TRIM9: variants seen among roughly 807,000 people sequenced by gnomAD.
TRIM9 encodes the protein E3 ubiquitin-protein ligase TRIM9.
A neutral mutation model predicts 78.3 loss-of-function variants in TRIM9; 26 were observed. That is an observed-to-expected ratio of 0.33 (90% confidence interval 0.24 to 0.46). The LOEUF is 0.46. TRIM9 is among the 20% of genes least tolerant of loss of function. TRIM9 has a pLI of 1.00. For missense variants in TRIM9, 787 were observed against 1,036.4 expected, an observed-to-expected ratio of 0.76 and a Z score of 3.30; for synonymous variants, 398 against 416.5, an observed-to-expected ratio of 0.96 and a Z score of 0.54.
chr14:51,020,450 G>C (rs2057650246), intron 3 of TRIM9, among the ~76,000 whole-genome samples: 1 of 152,170 alleles, frequency 6.6e-6, no homozygotes, highest in African/African-American at 2.4e-5. Context: ...ACCTGTCTCT[G>C]GTTTCTGCAG....
intron 1 of TRIM9, among the ~76,000 whole-genome samples, chr14:51,087,465 C>T (rs2063869492): frequency 6.6e-6 from 1 of 152,186 alleles, no homozygotes; most frequent in South Asian, 2.1e-4. Context: ...GGTAATCTCA[C>T]TTGGAGTTAG....
chr14:51,080,997 G>A (rs538073717), intron 1 of TRIM9, among the ~76,000 whole-genome samples: 4 of 152,192 alleles, frequency 2.6e-5, no homozygotes, highest in African/African-American at 4.8e-5. Flanking sequence ...GCAGTAGGTC[G>A]TGATAGGCCA....
At chr14:51,058,794 C>G (rs1303999650) in intron 1 of TRIM9, among the ~76,000 whole-genome samples, 1 of 152,210 alleles carries the variant, frequency 6.6e-6, no homozygotes, top group Non-Finnish European at 1.5e-5. Flanking sequence ...TTCAAAATGA[C>G]AAATGCTCTG....
rs1566590717 is a variant in TRIM9 at position 51,025,417 on chromosome 14, C to CACACAGGTGTTTT, written c.823-58_823-57insAAAACACCTGTGT. ...GTAATCACAGGATACACCAACAAGGCCAGCGAGACTCAAAACTGAAGAGTC... is the reference window on the plus strand; with the variant it reads ...GTAATCACAGGATACACCAACAAGGCACACAGGTGTTTTCAGCGAGACTCAAAACTGAAGAGTC... On this transcript the variant is annotated intron_variant, in intron 1 of 12. Coordinates refer to ENST00000684578, the MANE Select transcript of TRIM9 (RefSeq NM_001387360.1). The CACACAGGTGTTTT allele has an allele frequency of 2.9e-5, 44 of 1,510,528 alleles. No individual in the cohort carries two copies. In the African/African-American group the frequency reaches 5.6e-4, roughly 19 times the overall value. 93.6% of individuals were successfully genotyped at this position (1,510,528 alleles called of 1,614,324 possible). A position where few individuals can be genotyped will look rare whatever the true frequency, so the allele number is the denominator to read the frequency against.
At position 50,997,076 on chromosome 14, in the gene TRIM9, G is replaced by A. The variant is rs991757752; in HGVS notation, c.1603+974C>T. 19 of 985,240 alleles carry A rather than the reference G, an allele frequency of 1.9e-5. No homozygotes were observed. In the African/African-American group the frequency reaches 3.0e-4, roughly 15 times the overall value. 61.0% of individuals were successfully genotyped at this position (985,240 alleles called of 1,614,324 possible). The stretch of plus-strand genomic sequence containing the variant: ...AATCAACATAATTAGTTCTGCAGAG[G>A]GAAGTTATGGAGAATCCCGGTGAGG... On this transcript the variant is annotated intron_variant, in intron 7 of 12. Transcript: ENST00000684578.
intron 3 of TRIM9, among the ~76,000 whole-genome samples, chr14:51,015,353 G>A (rs1402229600): frequency 6.6e-6 from 1 of 151,312 alleles, no homozygotes; most frequent in Non-Finnish European, 1.5e-5. Context: ...CCAGAAGCAA[G>A]ACCTGAGGTT....
intron 1 of TRIM9, among the ~76,000 whole-genome samples, chr14:51,029,763 C>G (rs1362876695): frequency 7.1e-6 from 1 of 140,366 alleles, no homozygotes; most frequent in African/African-American, 2.4e-5. Flanking sequence ...GCAGAGGTGC[C>G]GAGAGGATAC....
intron 3 of TRIM9, 95 bp from the exon 4 acceptor site, chr14:51,010,589 C>G: frequency 1.1e-6 from 1 of 874,622 alleles, no homozygotes; most frequent in Non-Finnish European, 1.8e-6. Context: ...AAACCAGAAT[C>G]CATTCCATTC....
rs781015121 is a variant in TRIM9, at chr14:51,022,909, G to A, written c.967C>T (p.Leu323Phe). ...TTTCTTCTGTTGAGGGCATCGATGA[G>A]GGCATCACATTGGGCCACCAGACAG... is the stretch of plus-strand genomic sequence containing the variant. ...EACLVAQCDA[L>F]IDALNRRKAQ... The change falls in exon 3 of 13, where the codon CTC (leucine) becomes TTC (phenylalanine). Residue 323 changes from leucine to phenylalanine, a missense_variant. Physicochemically the swap from Leu to Phe is conservative, Grantham distance 22. Around this residue, in one of 3 missense-constraint regions of TRIM9, gnomAD observed 352 missense variants for 472.3 expected, o/e 0.75. Coordinates refer to ENST00000684578, the MANE Select transcript of TRIM9 (RefSeq NM_001387360.1). 4.3e-6 allele frequency: 7 copies of A among 1,614,002 alleles called. No homozygotes were observed. The East Asian group carries it at 1.3e-4, about 31-fold the overall frequency.
intron 1 of TRIM9, among the ~76,000 whole-genome samples, chr14:51,053,595 A>ATTTTTTTTTT (rs59227932): frequency 9.7e-5 from 8 of 82,204 alleles, no homozygotes; most frequent in African/African-American, 2.7e-4. Context: ...TTTTTTTTTA[A>ATTTTTTTTTT]TTTTTTTTTT....
At chr14:51,029,612 T>C (rs914771147) in intron 1 of TRIM9, among the ~76,000 whole-genome samples, 1 of 150,330 alleles carries the variant, frequency 6.7e-6, no homozygotes, top group African/African-American at 2.5e-5. Flanking sequence ...GCTGACATAG[T>C]ACAATCAAAA....
chr14:51,055,147 G>A (rs913686891), intron 1 of TRIM9, among the ~76,000 whole-genome samples: 10 of 152,072 alleles, frequency 6.6e-5, no homozygotes, highest in Non-Finnish European at 1.3e-4. Context: ...ATATTCATTT[G>A]GTTTATTACT....
At chr14:51,013,081 C>G (rs2056762637) in intron 3 of TRIM9, among the ~76,000 whole-genome samples, 1 of 152,180 alleles carries the variant, frequency 6.6e-6, no homozygotes, top group Non-Finnish European at 1.5e-5. Context: ...GGTGTCATAT[C>G]TGAGAAATCA....
chr14:50,982,055 A>G lies in TRIM9; in HGVS notation c.1907T>C (p.Leu636Pro). 4 of 1,614,152 alleles carry G rather than the reference A, an allele frequency of 2.5e-6. No individual in the cohort carries two copies. The highest frequency in any genetic ancestry group is 2.5e-6 in the Non-Finnish European group (3 of 1,180,014). ...GGTCACTGTCAGGTTGTCATTGGAG[A>G]GGATGATGTCCGAGTGCGCCGAGCC... ...DPGSAHSDII[L>P]SNDNLTVTCS... The change falls in exon 11 of 13, where the codon CTC becomes CCC. Residue 636 changes from leucine to proline, a missense_variant. Physicochemically the swap from Leu to Pro is moderately conservative, Grantham distance 98. Coordinates refer to ENST00000684578, the MANE Select transcript of TRIM9 (RefSeq NM_001387360.1).
At chr14:51,050,379 T>G (rs1447653798) in intron 1 of TRIM9, among the ~76,000 whole-genome samples, 1 of 152,222 alleles carries the variant, frequency 6.6e-6, no homozygotes. Flanking sequence ...CCCCTTTCAC[T>G]TGGTTCTCAT....
chr14:50,988,388 C>A (rs2053007781), intron 7 of TRIM9: 1 of 151,990 alleles, frequency 6.6e-6, no homozygotes, highest in Non-Finnish European at 1.5e-5. Flanking sequence ...GTGATGACAC[C>A]CCTTTATAGG....
At chr14:50,977,514 T>C (rs2051204029) in intron 12 of TRIM9, among the ~76,000 whole-genome samples, 161 bp from the exon 13 acceptor site, 1 of 152,212 alleles carries the variant, frequency 6.6e-6, no homozygotes, top group Non-Finnish European at 1.5e-5. Flanking sequence ...GAATCCTGCC[T>C]ATGGTAACAG....
intron 1 of TRIM9, among the ~76,000 whole-genome samples, chr14:51,036,295 T>C (rs80304174): frequency 0.018 from 2,739 of 152,274 alleles, 62 homozygotes; most frequent in African/African-American, 0.053. Context: ...CAAATAAGAA[T>C]TTGTTTTTGT....
intron 1 of TRIM9, among the ~76,000 whole-genome samples, chr14:51,053,077 T>C (rs964707929): frequency 3.3e-5 from 5 of 151,652 alleles, no homozygotes; most frequent in African/African-American, 1.2e-4. Context: ...GGAAGATCAT[T>C]TGAGCCCAGG....
Sources: allele counts gnomAD v4.1 joint callset (sites outside exome capture counted in the v4.1 genomes callset), GRCh38; gene constraint gnomAD v4.1.1; regional missense constraint gnomAD v4.1.1; transcripts MANE v1.5; gene names NCBI Gene and HGNC (gene_info 2026-07-23, HGNC 2026-07-21).